Variants in ILDR1 observed in about 807,000 individuals in gnomAD.
ILDR1 encodes the protein immunoglobulin-like domain-containing receptor 1.
ILDR1 carries 56 observed loss-of-function variants against 62.4 expected under a neutral mutation model. The observed-to-expected ratio is 0.90, with a 90% CI of 0.72 to 1.12. ILDR1 has a LOEUF of 1.12. Among genes scored for constraint, ILDR1 ranks in the 50% most tolerant of loss-of-function variants. The probability of loss-of-function intolerance (pLI) is 0.00; values close to 1 mark genes in which losing one functional copy is unlikely to be tolerated. For missense variants in ILDR1, 736 were observed against 710.6 expected (o/e 1.04, Z -0.41); for synonymous variants, 284 against 277.8 (o/e 1.02, Z -0.22).
chr3:121,993,312 C>T lies in ILDR1; in HGVS notation c.1437G>A (p.Trp479Ter), dbSNP rs1004936666. The change falls in exon 7 of 8, where the codon TGG becomes TGA. Residue 479 changes from tryptophan to a stop codon, truncating the protein, a stop_gained. Coordinates refer to ENST00000344209, the MANE Select transcript of ILDR1 (RefSeq NM_001199799.2). LOFTEE classifies it high-confidence loss of function. Reference sequence around the variant, plus strand: ...GCCTCTCCTTGTCCTCTTCAGAGCTCCAGGAACTGAGGCCGGAGGGCAAGG... The same window carrying T: ...GCCTCTCCTTGTCCTCTTCAGAGCTTCAGGAACTGAGGCCGGAGGGCAAGG... ...SPPLPSGLSS[W>*]SSEEDKERQP... The T allele has an allele frequency of 6.8e-6, 11 of 1,612,278 alleles. No homozygotes were observed. The highest frequency in any genetic ancestry group is 8.5e-6 in the Non-Finnish European group (10 of 1,178,706).
In ILDR1 at chr3:121,993,103, C is replaced by T. The variant is rs1462076274; in HGVS notation, c.1599+47G>A. On this transcript the variant is annotated intron_variant, in intron 7 of 7. Coordinates refer to ENST00000344209, the MANE Select transcript of ILDR1 (RefSeq NM_001199799.2). ...GGCTGTGGTCATGCCTGGCTGGAGG[C>T]TCCTCTCTGCCCATGCCCAACCCTC... 3.5e-6 allele frequency: 5 copies of T among 1,433,458 alleles called. No individual in the cohort carries two copies. In the South Asian group the frequency reaches 4.9e-5, roughly 14 times the overall value. The allele number at this position is 1,433,458 out of a possible 1,614,324, so 88.8% of individuals were successfully genotyped here.
upstream of ILDR1, among the ~76,000 whole-genome samples, chr3:122,022,668 G>A (rs1437953410): frequency 1.3e-5 from 2 of 152,188 alleles, no homozygotes; most frequent in Non-Finnish European, 2.9e-5. Context: ...TGTAATCCCA[G>A]CACTTTGGGA....
chr3:122,053,570 A>G, the ILDR1 span, among the ~76,000 whole-genome samples: 1 of 152,150 alleles, frequency 6.6e-6, no homozygotes, highest in African/African-American at 2.4e-5. Flanking sequence ...GTATGAGACA[A>G]GGTCTCATTA....
the ILDR1 span, among the ~76,000 whole-genome samples, chr3:122,059,612 A>G: frequency 8.7e-4 from 132 of 152,250 alleles, 2 homozygotes; most frequent in Middle Eastern, 3.4e-3. Flanking sequence ...TGGAAAGAGC[A>G]TATTTACCAA....
intron 5 of ILDR1, 110 bp downstream of exon 5, chr3:122,001,198 G>T: frequency 8.1e-7 from 1 of 1,238,204 alleles, no homozygotes. Context: ...GATGGGAGAA[G>T]GGCATGGAGG....
intron 7 of ILDR1, among the ~76,000 whole-genome samples, chr3:121,990,504 G>A (rs1221686851): frequency 1.3e-5 from 2 of 152,202 alleles, no homozygotes; most frequent in Non-Finnish European, 2.9e-5. Flanking sequence ...GGTTGTGGTA[G>A]GTGGTAAAGG....
the ILDR1 span, among the ~76,000 whole-genome samples, chr3:122,053,661 T>C: frequency 2.0e-5 from 3 of 152,198 alleles, no homozygotes; most frequent in Non-Finnish European, 4.4e-5. Flanking sequence ...ATTACAGGTA[T>C]GTGCCATTAC....
the ILDR1 span, among the ~76,000 whole-genome samples, chr3:122,031,517 C>T: frequency 6.6e-6 from 1 of 152,126 alleles, no homozygotes; most frequent in Non-Finnish European, 1.5e-5. Context: ...CCCCCAAATT[C>T]ATATGTTGAA....
chr3:122,042,340 A>G, the ILDR1 span, among the ~76,000 whole-genome samples: 1 of 54,712 alleles, frequency 1.8e-5, no homozygotes, highest in Non-Finnish European at 3.7e-5. Flanking sequence ...GGTTGGTTCC[A>G]AGTCTTTGCT....
At chr3:121,993,099 G>GCTCCTCTCTGCC in intron 7 of ILDR1, 51 bp downstream of exon 7, 1 of 1,411,592 alleles carries the variant, frequency 7.1e-7, no homozygotes, top group South Asian at 1.2e-5. Flanking sequence ...TGCCTGGCTG[G>GCTCCTCTCTGCC]AGGCTCCTCT....
the ILDR1 span, among the ~76,000 whole-genome samples, chr3:122,039,331 A>G: frequency 6.6e-6 from 1 of 152,110 alleles, no homozygotes; most frequent in Non-Finnish European, 1.5e-5. Context: ...TCAAACCACT[A>G]AAAACCAAAG....
the ILDR1 span, among the ~76,000 whole-genome samples, chr3:122,040,166 G>T: frequency 4.6e-5 from 7 of 151,850 alleles, no homozygotes; most frequent in Non-Finnish European, 8.8e-5. Context: ...GAGTAAACCA[G>T]AATTAAACAA....
chr3:122,005,464 C>A, intron 2 of ILDR1, 71 bp from the exon 3 acceptor site: 1 of 1,561,130 alleles, frequency 6.4e-7, no homozygotes, highest in Non-Finnish European at 8.8e-7. Flanking sequence ...TCCCTTCCTG[C>A]TCCGGGCGTG....
chr3:122,033,754 C>T, the ILDR1 span, among the ~76,000 whole-genome samples: 1 of 152,126 alleles, frequency 6.6e-6, no homozygotes, highest in Non-Finnish European at 1.5e-5. Flanking sequence ...AATTTATTCC[C>T]TGCTGCCCAG....
chr3:122,022,367 C>T, upstream of ILDR1: 2 of 364,892 alleles, frequency 5.5e-6, no homozygotes, highest in Non-Finnish European at 9.8e-6. Flanking sequence ...GCTGCCGCCT[C>T]CTGCTCGCTG....
the ILDR1 span, among the ~76,000 whole-genome samples, chr3:122,033,240 C>A: frequency 1.3e-5 from 2 of 151,404 alleles, no homozygotes; most frequent in Admixed American, 1.3e-4. Context: ...TCCCTAATGA[C>A]TAATAGCATT....
intron 1 of ILDR1, among the ~76,000 whole-genome samples, chr3:122,010,953 G>T (rs937473382): frequency 6.6e-6 from 1 of 152,160 alleles, no homozygotes; most frequent in African/African-American, 2.4e-5. Context: ...CTTGTCTGTG[G>T]TCATTCGTTT....
chr3:122,023,150 GTTTA>G (rs555997047), upstream of ILDR1, among the ~76,000 whole-genome samples: 316 of 151,044 alleles, frequency 2.1e-3, no homozygotes, highest in African/African-American at 6.3e-3. Flanking sequence ...ATATTCTAAT[GTTTA>G]TTTATTTTTT....
chr3:121,991,477 T>C (rs1487902629), intron 7 of ILDR1, among the ~76,000 whole-genome samples: 1 of 152,244 alleles, frequency 6.6e-6, no homozygotes, highest in Middle Eastern at 3.2e-3. Context: ...TTTCAGGACG[T>C]AATTTTCTTA....
Sources: allele counts gnomAD v4.1 joint callset (sites outside exome capture counted in the v4.1 genomes callset), GRCh38; gene constraint gnomAD v4.1.1; transcripts MANE v1.5; gene names NCBI Gene and HGNC (gene_info 2026-07-23, HGNC 2026-07-21).